FMN1: variants seen among roughly 807,000 people sequenced by gnomAD.
FMN1 encodes formin-1.
Under a neutral mutation model 132.4 loss-of-function variants are expected in FMN1, and 110 were observed. That is an observed-to-expected ratio of 0.83 (90% CI 0.71 to 0.97). The LOEUF (loss-of-function observed/expected upper bound fraction) is 0.97, where lower values mean the gene tolerates loss of function less well. FMN1 is among the 50% of genes least tolerant of loss of function. The pLI, the probability that FMN1 is intolerant of heterozygous loss-of-function variation, is 0.00. For synonymous variants in FMN1, 722 were observed against 651.7 expected, an observed-to-expected ratio of 1.11 and a Z score of -1.64; for missense variants, 1,792 against 1,705.3, an observed-to-expected ratio of 1.05 and a Z score of -0.90.
intron 6 of FMN1, among the ~76,000 whole-genome samples, chr15:33,024,732 T>C (rs1415219617): frequency 6.6e-6 from 1 of 152,188 alleles, no homozygotes; most frequent in African/African-American, 2.4e-5. Flanking sequence ...CATCCTCTAG[T>C]GAAGCATTTA....
At chr15:32,895,742 T>C (rs1366182046) in intron 15 of FMN1, among the ~76,000 whole-genome samples, 1 of 107,470 alleles carries the variant, frequency 9.3e-6, no homozygotes. Context: ...AGGAAGAAAG[T>C]TTTTTTTCTT....
At chr15:33,006,636 G>A (rs910969785) in intron 7 of FMN1, among the ~76,000 whole-genome samples, 2 of 152,156 alleles carry the variant, frequency 1.3e-5, no homozygotes, top group African/African-American at 4.8e-5. Context: ...TGGAATCAAC[G>A]TTGAGTGTCC....
intron 4 of FMN1, among the ~76,000 whole-genome samples, chr15:33,135,848 C>G (rs1963742777): frequency 6.6e-6 from 1 of 152,174 alleles, no homozygotes; most frequent in Non-Finnish European, 1.5e-5. Flanking sequence ...CACCCACATG[C>G]CCTGCTGTAC....
chr15:33,081,530 TTGTAGTTCTAGC>T (rs1397148655), intron 5 of FMN1, among the ~76,000 whole-genome samples: 1 of 152,148 alleles, frequency 6.6e-6, no homozygotes, highest in Non-Finnish European at 1.5e-5. Flanking sequence ...GTAATTCTGG[TTGTAGTTCTAGC>T]TGTCTAATTC....
chr15:33,193,003 G>A (rs1966131195), intron 2 of FMN1, among the ~76,000 whole-genome samples: 1 of 152,172 alleles, frequency 6.6e-6, no homozygotes, highest in African/African-American at 2.4e-5. Flanking sequence ...TGTCTGACAG[G>A]TTTATGAGTT....
At chr15:32,820,561 C>T (rs1174762854) in intron 17 of FMN1, among the ~76,000 whole-genome samples, 1 of 152,138 alleles carries the variant, frequency 6.6e-6, no homozygotes. Flanking sequence ...GTACTGTTAT[C>T]ATTTTGGGAG....
chr15:33,148,296 T>G (rs1039016343), intron 4 of FMN1, among the ~76,000 whole-genome samples: 4 of 152,206 alleles, frequency 2.6e-5, no homozygotes, highest in Non-Finnish European at 5.9e-5. Context: ...TCTTATAATC[T>G]ACTCATAGAC....
chr15:33,074,591 G>A (rs960351060), intron 5 of FMN1, among the ~76,000 whole-genome samples: 1 of 152,192 alleles, frequency 6.6e-6, no homozygotes, highest in African/African-American at 2.4e-5. Flanking sequence ...ATTGAATATA[G>A]ATAACAAACT....
Position 33,154,918 on chromosome 15 carries a change from G to A in FMN1, c.-4C>T. The A allele has an allele frequency of 6.6e-7, 1 of 1,524,562 alleles. No homozygotes were observed. Among genetic ancestry groups the A allele is most frequent in the Non-Finnish European group, 8.8e-7 (1 of 1,141,112 alleles). 94.4% of individuals were successfully genotyped at this position (1,524,562 alleles called of 1,614,324 possible). On this transcript the variant is annotated 5_prime_UTR_variant, in exon 4 of 21. Coordinates refer to ENST00000616417, the MANE Select transcript of FMN1 (RefSeq NM_001277313.2). Reference sequence around the variant, plus strand: ...GGGTACAATGAGTGCCTTCCATTATGCCTACCTAATTATTCATGCCTTGGA... The same window carrying A: ...GGGTACAATGAGTGCCTTCCATTATACCTACCTAATTATTCATGCCTTGGA...
At chr15:33,055,627 A>C (rs1429050168) in intron 6 of FMN1, among the ~76,000 whole-genome samples, 5 of 152,066 alleles carry the variant, frequency 3.3e-5, no homozygotes, top group African/African-American at 9.7e-5. Context: ...AACAAACAAA[A>C]AAATCAACGC....
Position 32,969,329 on chromosome 15 carries a change from G to A in FMN1, c.2372C>T (p.Thr791Ile), listed in dbSNP as rs778049201. Residue 791 changes from threonine (T) to isoleucine (I), a missense_variant, in exon 8 of 21, where the codon ACC (threonine) becomes ATC (isoleucine). By Grantham distance (89) the Thr-to-Ile change is moderately conservative (BLOSUM62 -1). Around this residue, in one of 3 missense-constraint regions of FMN1, gnomAD observed 1,150 missense variants for 1,043.1 expected, o/e 1.10. Transcript: ENST00000616417. The stretch of plus-strand genomic sequence containing the variant: ...GGTCTTTGGAGGGCAGTCATCATCG[G>A]TGGAAATGCACACATCTTTCCTCTC... ...CEERKDVCISTDDDCPPKTFR... is the reference protein window; with the variant it reads ...CEERKDVCISIDDDCPPKTFR... 1 of 1,613,930 alleles carries A rather than the reference G, an allele frequency of 6.2e-7. No individual in the cohort carries two copies. Among genetic ancestry groups the A allele is most frequent in the South Asian group, 1.1e-5 (1 of 91,080 alleles).
chr15:33,151,229 A>G, intron 4 of FMN1: 3 of 1,535,402 alleles, frequency 2.0e-6, no homozygotes, highest in Non-Finnish European at 2.6e-6. Context: ...TCTCCACAGT[A>G]GAGAAGTTAC....
intron 9 of FMN1, among the ~76,000 whole-genome samples, chr15:32,947,580 C>G (rs1172952189): frequency 6.6e-6 from 1 of 151,790 alleles, no homozygotes; most frequent in Non-Finnish European, 1.5e-5. Flanking sequence ...ATTGAAATGA[C>G]TTTGAAACTA....
intron 6 of FMN1, among the ~76,000 whole-genome samples, chr15:33,029,590 G>A (rs558628486): frequency 6.6e-6 from 1 of 152,238 alleles, no homozygotes; most frequent in East Asian, 1.9e-4. Flanking sequence ...AGGGTAGGAA[G>A]AGCCAAACGT....
chr15:33,061,207 G>C (rs2037466344), intron 6 of FMN1, among the ~76,000 whole-genome samples: 2 of 152,180 alleles, frequency 1.3e-5, no homozygotes, highest in Non-Finnish European at 2.9e-5. Context: ...ACTGAGGGAA[G>C]GTACCACAGG....
intron 6 of FMN1, among the ~76,000 whole-genome samples, chr15:33,060,141 A>C (rs1480119095): frequency 1.3e-5 from 2 of 151,210 alleles, no homozygotes; most frequent in East Asian, 3.9e-4. Context: ...CATGCAAGTG[A>C]TGATAGCAGG....
chr15:33,055,651 G>C (rs1273126866), intron 6 of FMN1, among the ~76,000 whole-genome samples: 1 of 151,208 alleles, frequency 6.6e-6, no homozygotes, highest in Admixed American at 6.6e-5. Flanking sequence ...GAATATTGCA[G>C]GTCTAAATGA....
At position 32,858,343 on chromosome 15, in the gene FMN1, G is replaced by A. The variant is rs76027286; in HGVS notation, c.3836-1236C>T. On this transcript the variant is annotated intron_variant, in intron 16 of 20. Coordinates refer to ENST00000616417, the MANE Select transcript of FMN1 (RefSeq NM_001277313.2). ...ATTAGTTATCTGACACTTTTCATTT[G>A]CAATATTGCCAACTAGATTGCAGAA... Among the ~76,000 whole-genome samples the A allele has an allele frequency of 4.9e-3, 753 of 152,262 alleles. 9 individuals are homozygous for A. Among genetic ancestry groups the A allele is most frequent in the African/African-American group, 0.017 (721 of 41,546 alleles).
At chr15:33,062,399 A>G (rs965983451) in intron 6 of FMN1, among the ~76,000 whole-genome samples, 2 of 151,956 alleles carry the variant, frequency 1.3e-5, no homozygotes, top group Admixed American at 1.3e-4. Context: ...AGGCGGGGGG[A>G]TCACGAGGTC....
Sources: allele counts gnomAD v4.1 joint callset (sites outside exome capture counted in the v4.1 genomes callset), GRCh38; gene constraint gnomAD v4.1.1; regional missense constraint gnomAD v4.1.1; transcripts MANE v1.5; gene names NCBI Gene and HGNC (gene_info 2026-07-23, HGNC 2026-07-21).